CNNM2: variants seen among roughly 807,000 people sequenced by gnomAD.
CNNM2 encodes the protein cyclin and CBS domain divalent metal cation transport mediator 2, also known as metal transporter CNNM2.
CNNM2 carries 12 observed loss-of-function variants against 66.9 expected under a neutral mutation model. The observed-to-expected ratio is 0.18, with a 90% CI of 0.11 to 0.29. CNNM2 has a LOEUF of 0.29. Among genes scored for constraint, CNNM2 ranks in the 10% least tolerant of loss-of-function variants. The probability of loss-of-function intolerance (pLI) is 1.00; values close to 1 mark genes in which losing one functional copy is unlikely to be tolerated. For synonymous variants in CNNM2, 557 were observed against 501.8 expected (o/e 1.11, Z -1.47); for missense variants, 705 against 1,167.7 (o/e 0.60, Z 5.77).
intron 1 of CNNM2, among the ~76,000 whole-genome samples, chr10:102,980,791 TAAAG>T (rs1338214303): frequency 6.6e-6 from 1 of 152,230 alleles, no homozygotes; most frequent in African/African-American, 2.4e-5. Context: ...TATGACTACA[TAAAG>T]ATTGTTCATA....
intron 1 of CNNM2, among the ~76,000 whole-genome samples, chr10:102,962,018 T>G (rs1319064525): frequency 6.6e-6 from 1 of 152,174 alleles, no homozygotes; most frequent in African/African-American, 2.4e-5. Flanking sequence ...AAATTCTACC[T>G]TGGTAATAAG....
chr10:102,918,389 C>T lies in CNNM2; in HGVS notation c.-92C>T. 6.6e-7 allele frequency: 1 copy of T among 1,526,580 alleles called. No homozygotes were observed. Among genetic ancestry groups the T allele is most frequent in the South Asian group, 1.2e-5 (1 of 82,684 alleles). The allele number at this position is 1,526,580 out of a possible 1,614,324, so 94.6% of individuals were successfully genotyped here. ...GAGGCGAACTGCTGAGCACTGGCCG[C>T]GGACGCTCCGTTGCAGTCTCGCCCA... On this transcript the variant is annotated 5_prime_UTR_variant, in exon 1 of 8. Transcript: ENST00000369878. This position sits in a 1 kb window ranked among gnomAD's most constrained non-coding sequence, Gnocchi z 4.1.
intron 1 of CNNM2, among the ~76,000 whole-genome samples, chr10:102,940,531 G>A (rs1846393168): frequency 6.6e-6 from 1 of 150,554 alleles, no homozygotes; most frequent in Non-Finnish European, 1.5e-5. Flanking sequence ...CCATTCTCCT[G>A]TCTCAGCCTC....
chr10:102,989,843 CTTTG>C (rs2063864764), intron 1 of CNNM2, among the ~76,000 whole-genome samples: 1 of 151,900 alleles, frequency 6.6e-6, no homozygotes, highest in African/African-American at 2.4e-5. Context: ...GCCTATACTC[CTTTG>C]TTTAACTATA....
intron 1 of CNNM2, among the ~76,000 whole-genome samples, chr10:102,941,815 A>G (rs1354821479): frequency 2.0e-5 from 3 of 152,106 alleles, no homozygotes; most frequent in Non-Finnish European, 2.9e-5. Context: ...CTCTCCTACT[A>G]GAACGTAAGC....
In CNNM2 at chr10:103,079,984, G is replaced by A. The variant is rs148574793; in HGVS notation, c.*2804G>A. On this transcript the variant is annotated 3_prime_UTR_variant, in exon 8 of 8. Transcript: ENST00000369878. Reference sequence around the variant, plus strand: ...GCAGGAGAATGACTTTGGCTTGGAAGGCCTCTGCCATTCATCTCTACAAAG... The same window carrying A: ...GCAGGAGAATGACTTTGGCTTGGAAAGCCTCTGCCATTCATCTCTACAAAG... 5.3e-5 allele frequency: 8 copies of A among 152,324 alleles called. No individual in the cohort carries two copies. The highest frequency in any genetic ancestry group is 3.4e-3 in the Middle Eastern group (1 of 294). 9.4% of individuals were successfully genotyped at this position (152,324 alleles called of 1,614,324 possible).
At chr10:102,925,035 G>A (rs895161914) in intron 1 of CNNM2, among the ~76,000 whole-genome samples, 3 of 151,954 alleles carry the variant, frequency 2.0e-5, no homozygotes, top group African/African-American at 4.8e-5. Flanking sequence ...GGTGGCTCAC[G>A]CCTGTAATCC....
chr10:103,089,742 A>C lies in CNNM2; in HGVS notation c.*12562A>C. On this transcript the variant is annotated 3_prime_UTR_variant, in exon 8 of 8. Coordinates refer to ENST00000369878, the MANE Select transcript of CNNM2 (RefSeq NM_017649.5). The stretch of plus-strand genomic sequence containing the variant: ...GCAGTGTGTAATTTCCTGGGGGGCC[A>C]GTGGGAAGAGGTTGGGAGGTTTAAT... 6.2e-7 allele frequency: 1 copy of C among 1,613,752 alleles called. No individual in the cohort carries two copies. The highest frequency in any genetic ancestry group is 8.5e-7 in the Non-Finnish European group (1 of 1,179,920).
rs1324827686 is a variant in CNNM2 at position 103,088,231 on chromosome 10, A to AAAAT, written c.*11053_*11056dup. ...TATTGACCAATGACAAGAATGGAAG[A>AAAAT]AAATATACAATGGTTAAAGAAAGAG... On this transcript the variant is annotated 3_prime_UTR_variant, in exon 8 of 8. Transcript: ENST00000369878. The AAAAT allele has an allele frequency of 1.3e-5, 2 of 152,250 alleles. No homozygotes were observed. Among genetic ancestry groups the AAAAT allele is most frequent in the East Asian group, 1.9e-4 (1 of 5,206 alleles). The allele number at this position is 152,250 out of a possible 1,614,324, so 9.4% of individuals were successfully genotyped here.
chr10:102,970,040 C>T (rs1258157680), intron 1 of CNNM2, among the ~76,000 whole-genome samples: 1 of 152,226 alleles, frequency 6.6e-6, no homozygotes, highest in African/African-American at 2.4e-5. Context: ...CTTATTTTTA[C>T]TCTTTCTTTT....
chr10:102,971,870 A>G (rs1402768450), intron 1 of CNNM2, among the ~76,000 whole-genome samples: 1 of 152,176 alleles, frequency 6.6e-6, no homozygotes, highest in African/African-American at 2.4e-5. Context: ...GCTCATTGTC[A>G]TAACTTGCAC....
intron 4 of CNNM2, among the ~76,000 whole-genome samples, chr10:103,068,275 C>T (rs752532686): frequency 4.0e-5 from 5 of 126,224 alleles, no homozygotes; most frequent in African/African-American, 8.0e-5. Flanking sequence ...TTTGGGAGGC[C>T]AAGACAGTGA....
At chr10:102,944,985 T>TG (rs1554890612) in intron 1 of CNNM2, among the ~76,000 whole-genome samples, 4 of 149,998 alleles carry the variant, frequency 2.7e-5, no homozygotes, top group Admixed American at 1.3e-4. Flanking sequence ...TTTTGTTTTT[T>TG]TTTTTGGCAA....
At chr10:102,948,110 T>A (rs897585558) in intron 1 of CNNM2, among the ~76,000 whole-genome samples, 1 of 152,180 alleles carries the variant, frequency 6.6e-6, no homozygotes, top group African/African-American at 2.4e-5. Flanking sequence ...ATTCATCTTG[T>A]AATTTTCTAT....
intron 1 of CNNM2, among the ~76,000 whole-genome samples, chr10:103,045,762 G>A (rs2065118125): frequency 6.6e-6 from 1 of 152,152 alleles, no homozygotes; most frequent in Non-Finnish European, 1.5e-5. Flanking sequence ...GAGAGATGCT[G>A]TTACTATTTT....
chr10:102,946,920 C>T (rs1846637958), intron 1 of CNNM2, among the ~76,000 whole-genome samples: 1 of 152,114 alleles, frequency 6.6e-6, no homozygotes, highest in Non-Finnish European at 1.5e-5. Context: ...AAACACATGC[C>T]ATACTTAATA....
intron 1 of CNNM2, among the ~76,000 whole-genome samples, chr10:103,047,506 A>T (rs1318094822): frequency 1.3e-5 from 2 of 152,230 alleles, no homozygotes; most frequent in Non-Finnish European, 2.9e-5. Context: ...GAGTTTACTT[A>T]ATAGTAATGT....
rs763252939 is a variant in CNNM2 at position 102,918,783 on chromosome 10, C to A, written c.303C>A (p.Val101=). The change falls in exon 1 of 8, where the codon GTC becomes GTA. Residue 101 remains valine, a synonymous_variant. Coordinates refer to ENST00000369878, the MANE Select transcript of CNNM2 (RefSeq NM_017649.5). The surrounding 1 kb of genome is among the most constrained non-coding windows in gnomAD (Gnocchi z 4.1). ...TGCGGGTGAGCGAACGGACCCGGGTCAAGCTGCGGGTGTACGGGCAGAACA... is the reference window on the plus strand; with the variant it reads ...TGCGGGTGAGCGAACGGACCCGGGTAAAGCTGCGGGTGTACGGGCAGAACA... The part of the protein sequence containing the change: ...GALRVSERTR[V]KLRVYGQNIN... 6.3e-7 allele frequency: 1 copy of A among 1,599,632 alleles called. No individual in the cohort carries two copies. The highest frequency in any genetic ancestry group is 1.1e-5 in the South Asian group (1 of 88,668).
In CNNM2 at chr10:103,089,843, G is replaced by A; in HGVS notation, c.*12663G>A. 6.2e-7 allele frequency: 1 copy of A among 1,614,028 alleles called. No homozygotes were observed. The highest frequency in any genetic ancestry group is 8.5e-7 in the Non-Finnish European group (1 of 1,179,984). ...AATCCACTGATGTGCGGTTCCGGGTGGCAAGAGGAGACTCCATCTCATTGA... is the reference window on the plus strand; with the variant it reads ...AATCCACTGATGTGCGGTTCCGGGTAGCAAGAGGAGACTCCATCTCATTGA... On this transcript the variant is annotated 3_prime_UTR_variant, in exon 8 of 8. Transcript: ENST00000369878.
Sources: allele counts gnomAD v4.1 joint callset (sites outside exome capture counted in the v4.1 genomes callset), GRCh38; gene constraint gnomAD v4.1.1; non-coding constraint Gnocchi (gnomAD v3.1); transcripts MANE v1.5; gene names NCBI Gene and HGNC (gene_info 2026-07-23, HGNC 2026-07-21).